Variants in MCU observed in about 807,000 individuals in gnomAD.
The protein encoded by MCU is mitochondrial calcium uniporter, also known as calcium uniporter protein, mitochondrial.
Under a neutral mutation model 45.2 loss-of-function variants are expected in MCU, and 12 were observed. The observed-to-expected ratio is 0.27, with a 90% CI of 0.17 to 0.43. The LOEUF (loss-of-function observed/expected upper bound fraction) is 0.43, where lower values mean the gene tolerates loss of function less well. Ranked by LOEUF, MCU falls within the 20% of genes least tolerant of loss-of-function variation. MCU has a pLI of 1.00. For missense variants in MCU, 324 were observed against 436.7 expected (o/e 0.74, Z 2.30); for synonymous variants, 160 against 165.1 (o/e 0.97, Z 0.24).
intron 1 of MCU, chr10:72,692,769 G>A: frequency 7.3e-7 from 1 of 1,372,398 alleles, no homozygotes; most frequent in African/African-American, 1.5e-5. Context: ...ATGCTGCTGG[G>A]AGCTGCCCCG....
intron 1 of MCU, among the ~76,000 whole-genome samples, chr10:72,772,810 A>C (rs1294806400): frequency 6.6e-6 from 1 of 152,238 alleles, no homozygotes; most frequent in African/African-American, 2.4e-5. Flanking sequence ...GACCTTCCCA[A>C]AAGGACAAAG....
intron 1 of MCU, among the ~76,000 whole-genome samples, chr10:72,797,230 T>TC (rs1844263191): frequency 6.7e-6 from 1 of 149,658 alleles, no homozygotes; most frequent in African/African-American, 2.5e-5. Flanking sequence ...TATTTTATTT[T>TC]ATTTTTTTTT....
intron 1 of MCU, among the ~76,000 whole-genome samples, chr10:72,823,861 A>G (rs1268785751): frequency 1.3e-5 from 2 of 152,090 alleles, no homozygotes; most frequent in Non-Finnish European, 1.5e-5. Context: ...GGAGTTCAAG[A>G]CCAGCCCTGG....
At position 72,827,950 on chromosome 10, in the gene MCU, A is replaced by G. The variant is rs200614868; in HGVS notation, c.151-6409A>G. Among the ~76,000 whole-genome samples, 3 of 152,266 alleles carry G rather than the reference A, an allele frequency of 2.0e-5. No homozygotes were observed. The East Asian group carries it at 5.8e-4, about 29-fold the overall frequency. On this transcript the variant is annotated intron_variant, in intron 1 of 7. Coordinates refer to ENST00000373053, the MANE Select transcript of MCU (RefSeq NM_138357.3). ...TATATTGGTAGATTAGAAGTAGTAA[A>G]TGTTGCTGATATGATGCTTCAACAA...
chr10:72,693,505 C>T (rs2132639150), intron 1 of MCU, among the ~76,000 whole-genome samples: 1 of 152,296 alleles, frequency 6.6e-6, no homozygotes, highest in Non-Finnish European at 1.5e-5. Context: ...TAAGAGGAAA[C>T]TGAACTGGAG....
intron 1 of MCU, among the ~76,000 whole-genome samples, chr10:72,731,699 G>A (rs1843176587): frequency 6.6e-6 from 1 of 152,110 alleles, no homozygotes; most frequent in African/African-American, 2.4e-5. Flanking sequence ...TCATTTGAAT[G>A]GAATCATATA....
chr10:72,692,336 G>T, intron 1 of MCU, 35 bp downstream of exon 1: 1 of 1,191,112 alleles, frequency 8.4e-7, no homozygotes, highest in South Asian at 4.2e-5. Flanking sequence ...CGGGGAGGGC[G>T]GGGCGGCGCT....
chr10:72,724,598 G>A (rs764193554), intron 1 of MCU, among the ~76,000 whole-genome samples: 12 of 152,098 alleles, frequency 7.9e-5, no homozygotes, highest in Non-Finnish European at 1.5e-4. Context: ...TTAAAGGGCT[G>A]TATTATATAT....
chr10:72,733,969 A>G (rs1843216157), intron 1 of MCU, among the ~76,000 whole-genome samples: 1 of 152,122 alleles, frequency 6.6e-6, no homozygotes, highest in Non-Finnish European at 1.5e-5. Context: ...CAGAAGCTTT[A>G]AAGGGAATGT....
intron 1 of MCU, among the ~76,000 whole-genome samples, chr10:72,718,237 TA>T (rs1842977979): frequency 6.6e-6 from 1 of 152,232 alleles, no homozygotes; most frequent in African/African-American, 2.4e-5. Flanking sequence ...TTTGGACTTG[TA>T]ATGTTTATAT....
intron 1 of MCU, among the ~76,000 whole-genome samples, chr10:72,825,140 A>G (rs1288005781): frequency 6.6e-6 from 1 of 152,170 alleles, no homozygotes; most frequent in Non-Finnish European, 1.5e-5. Flanking sequence ...TTTCACCTTA[A>G]AAAAGAGAAG....
In MCU at chr10:72,834,448, C is replaced by A; in HGVS notation, c.220+20C>A. ...CTGATGGTGAGTTTCAGCAAATCCA[C>A]CTTTTATGTCTAATATTATTTCCTT... is the stretch of plus-strand genomic sequence containing the variant. On this transcript the variant is annotated intron_variant, in intron 2 of 7. Coordinates refer to ENST00000373053, the MANE Select transcript of MCU (RefSeq NM_138357.3). The A allele has an allele frequency of 1.3e-6, 2 of 1,596,516 alleles. No individual in the cohort carries two copies. The highest frequency in any genetic ancestry group is 1.7e-6 in the Non-Finnish European group (2 of 1,165,622).
At chr10:72,699,284 A>G (rs1589421818) in intron 1 of MCU, among the ~76,000 whole-genome samples, 1 of 152,196 alleles carries the variant, frequency 6.6e-6, no homozygotes, top group Non-Finnish European at 1.5e-5. Context: ...AGGCGGGCGG[A>G]TCATGAGGTC....
At chr10:72,791,244 T>C (rs1844155670) in intron 1 of MCU, among the ~76,000 whole-genome samples, 1 of 152,230 alleles carries the variant, frequency 6.6e-6, no homozygotes, top group Admixed American at 6.5e-5. Context: ...GACTATAGTG[T>C]CTTAAAATCA....
At chr10:72,870,380 G>A (rs11000430) in intron 5 of MCU, among the ~76,000 whole-genome samples, 24,131 of 152,014 alleles carry the variant, frequency 0.16, 3,723 homozygotes, top group African/African-American at 0.4. Flanking sequence ...CCGGGTTCAC[G>A]CCATTCTCCT....
In MCU at chr10:72,852,237, T is replaced by G. The variant is rs533640118; in HGVS notation, c.221-6940T>G. On this transcript the variant is annotated intron_variant, in intron 2 of 7. Transcript: ENST00000373053. ...AGTAGATTAATTGTTAAGGATTCTT[T>G]TAGAACAAGAAGGAATATAACAAAT... 2.0e-5 allele frequency among the ~76,000 whole-genome samples: 3 copies of G among 152,366 alleles called. No homozygotes were observed. The East Asian group carries it at 5.8e-4, about 29-fold the overall frequency.
chr10:72,790,189 A>G (rs1275770187), intron 1 of MCU, among the ~76,000 whole-genome samples: 1 of 152,206 alleles, frequency 6.6e-6, no homozygotes, highest in Non-Finnish European at 1.5e-5. Context: ...TGAAGTCCCA[A>G]CAGCAGCATT....
intron 1 of MCU, chr10:72,715,210 TG>T (rs1233692608): frequency 1.0e-6 from 1 of 983,294 alleles, no homozygotes; most frequent in East Asian, 1.1e-4. Context: ...AGTGTGGAGC[TG>T]GCCTGTGGGA....
intron 4 of MCU, among the ~76,000 whole-genome samples, chr10:72,868,441 A>G (rs145151599): frequency 1.6e-4 from 24 of 152,144 alleles, no homozygotes; most frequent in African/African-American, 5.3e-4. Context: ...AGTCCCAGCT[A>G]CTTGGGAAGT....
Sources: gnomAD v4.1 joint callset for allele counts (sites outside exome capture counted in the v4.1 genomes callset) on GRCh38, gnomAD v4.1.1 for gene constraint, MANE v1.5 for transcripts, NCBI Gene and HGNC (gene_info 2026-07-23, HGNC 2026-07-21) for gene names.